The following KCNIP4 variants were observed in gnomAD, a reference collection of about 807,000 sequenced individuals.
The protein encoded by KCNIP4 is Kv channel-interacting protein 4.
Under a neutral mutation model 34.0 loss-of-function variants are expected in KCNIP4, and 12 were observed. The observed-to-expected ratio is 0.35, with a 90% CI of 0.23 to 0.57. The LOEUF (loss-of-function observed/expected upper bound fraction) is 0.57. Ranked by LOEUF, KCNIP4 falls within the 20% of genes least tolerant of loss-of-function variation. The pLI, the probability that KCNIP4 is intolerant of heterozygous loss-of-function variation, is 0.83. For synonymous variants in KCNIP4, 124 were observed against 102.2 expected (o/e 1.21, Z -1.29); for missense variants, 238 against 311.7 (o/e 0.76, Z 1.78).
At chr4:21,665,466 G>T (rs1162652461) in intron 1 of KCNIP4, among the ~76,000 whole-genome samples, 9 of 151,872 alleles carry the variant, frequency 5.9e-5, no homozygotes, top group Admixed American at 5.2e-4. Context: ...AAAGAAGTCA[G>T]GAAAAGCTGA....
At chr4:21,809,093 C>T (rs775919836) in intron 1 of KCNIP4, among the ~76,000 whole-genome samples, 4 of 152,034 alleles carry the variant, frequency 2.6e-5, no homozygotes, top group Non-Finnish European at 4.4e-5. Context: ...TGGTAAAACG[C>T]TATTTCTGGG....
At chr4:21,648,518 C>T (rs1339393674) in intron 1 of KCNIP4, among the ~76,000 whole-genome samples, 1 of 152,080 alleles carries the variant, frequency 6.6e-6, no homozygotes, top group African/African-American at 2.4e-5. Context: ...TAATATCTTG[C>T]CTGAAATGGA....
chr4:21,714,796 T>G (rs1015827473), intron 1 of KCNIP4, among the ~76,000 whole-genome samples: 43 of 486 alleles, frequency 0.088, 7 homozygotes, highest in African/African-American at 0.46. Flanking sequence ...ATTATTTTAT[T>G]TTATTTTATT....
At chr4:20,884,495 C>G (rs1056612161) in intron 1 of KCNIP4, among the ~76,000 whole-genome samples, 2 of 150,708 alleles carry the variant, frequency 1.3e-5, no homozygotes, top group African/African-American at 2.4e-5. Context: ...CTATATTTTG[C>G]TTCTGATTTC....
chr4:21,419,885 G>T (rs1725306362), intron 1 of KCNIP4, among the ~76,000 whole-genome samples: 1 of 152,098 alleles, frequency 6.6e-6, no homozygotes, highest in Admixed American at 6.5e-5. Context: ...TTAGATTTGG[G>T]CAGAGACTAA....
At chr4:21,267,410 C>T (rs1761879497) in intron 1 of KCNIP4, among the ~76,000 whole-genome samples, 1 of 151,194 alleles carries the variant, frequency 6.6e-6, no homozygotes, top group African/African-American at 2.4e-5. Flanking sequence ...TGGGAGAGGG[C>T]ATCCCTGTCT....
chr4:21,382,996 T>G (rs186695688), intron 1 of KCNIP4, among the ~76,000 whole-genome samples: 1 of 152,258 alleles, frequency 6.6e-6, no homozygotes, highest in Admixed American at 6.5e-5. Context: ...AAAGAGGTAG[T>G]TAAGTTAAAA....
chr4:21,340,480 G>C (rs568923831), intron 1 of KCNIP4, among the ~76,000 whole-genome samples: 2 of 152,152 alleles, frequency 1.3e-5, no homozygotes, highest in South Asian at 4.1e-4. Context: ...GATTTGTTCT[G>C]ATATGTATAG....
intron 1 of KCNIP4, among the ~76,000 whole-genome samples, chr4:21,896,739 T>C (rs1451734654): frequency 6.6e-6 from 1 of 151,944 alleles, no homozygotes; most frequent in African/African-American, 2.4e-5. Context: ...GCCAACATAG[T>C]GAAAACCTGT....
chr4:21,883,315 A>G (rs1726568903), intron 1 of KCNIP4, among the ~76,000 whole-genome samples: 2 of 151,990 alleles, frequency 1.3e-5, no homozygotes, highest in Admixed American at 1.3e-4. Flanking sequence ...CTAGCTAATT[A>G]TTTAAAAAAA....
At chr4:20,950,754 C>T (rs577148077) in intron 1 of KCNIP4, among the ~76,000 whole-genome samples, 11 of 152,086 alleles carry the variant, frequency 7.2e-5, no homozygotes, top group South Asian at 4.1e-4. Context: ...TAGCCTTTTG[C>T]TCCAGGACTT....
intron 1 of KCNIP4, among the ~76,000 whole-genome samples, chr4:21,743,846 G>T (rs1352038771): frequency 2.0e-5 from 3 of 149,366 alleles, no homozygotes; most frequent in Non-Finnish European, 4.4e-5. Flanking sequence ...TCCTAGATGA[G>T]AAATTATGCT....
intron 1 of KCNIP4, among the ~76,000 whole-genome samples, chr4:21,178,341 GA>G (rs750272177): frequency 1.3e-5 from 2 of 152,144 alleles, no homozygotes; most frequent in Non-Finnish European, 2.9e-5. Context: ...TTGGAACGAA[GA>G]TTTTGTTGTT....
intron 1 of KCNIP4, among the ~76,000 whole-genome samples, chr4:21,569,702 G>A (rs1403898223): frequency 6.6e-6 from 1 of 152,036 alleles, no homozygotes; most frequent in Non-Finnish European, 1.5e-5. Flanking sequence ...TTGGTTACTC[G>A]GGTGATTAAA....
intron 1 of KCNIP4, among the ~76,000 whole-genome samples, chr4:21,099,413 G>A (rs1747745231): frequency 1.3e-5 from 2 of 152,140 alleles, no homozygotes; most frequent in Non-Finnish European, 2.9e-5. Flanking sequence ...GCTGAATGAT[G>A]AGAACACATG....
intron 1 of KCNIP4, among the ~76,000 whole-genome samples, chr4:21,726,826 G>A (rs1254613177): frequency 6.6e-6 from 1 of 152,074 alleles, no homozygotes; most frequent in Non-Finnish European, 1.5e-5. Context: ...TTCAATCGAT[G>A]GATCAATCCT....
intron 1 of KCNIP4, among the ~76,000 whole-genome samples, chr4:21,037,376 C>A (rs909627247): frequency 6.6e-5 from 10 of 152,182 alleles, no homozygotes; most frequent in Non-Finnish European, 1.2e-4. Context: ...ATAGGTCTAC[C>A]ATTTCTTATC....
chr4:21,241,445 G>C (rs1254381055), intron 1 of KCNIP4, among the ~76,000 whole-genome samples: 1 of 152,126 alleles, frequency 6.6e-6, no homozygotes, highest in Non-Finnish European at 1.5e-5. Flanking sequence ...TCACAGAGGG[G>C]TTAGAATCAA....
At chr4:20,838,267 G>T (rs373895786) in intron 3 of KCNIP4, among the ~76,000 whole-genome samples, 2 of 152,248 alleles carry the variant, frequency 1.3e-5, no homozygotes, top group East Asian at 3.9e-4. Flanking sequence ...CTAAATGCTG[G>T]TTCTTCAAGT....
Sources: allele counts gnomAD v4.1 joint callset (sites outside exome capture counted in the v4.1 genomes callset), GRCh38; gene constraint gnomAD v4.1.1; transcripts MANE v1.5; gene names NCBI Gene and HGNC (gene_info 2026-07-23, HGNC 2026-07-21).